The following DAPK1 variants were observed in gnomAD, a reference collection of about 807,000 sequenced individuals.
The protein encoded by DAPK1 is death-associated protein kinase 1.
DAPK1 carries 56 observed loss-of-function variants against 144.9 expected under a neutral mutation model. The observed-to-expected ratio is 0.39, with a 90% CI of 0.31 to 0.48. DAPK1 has a LOEUF of 0.48. DAPK1 is among the 20% of genes least tolerant of loss of function. The probability of loss-of-function intolerance (pLI) is 0.95; values close to 1 mark genes in which losing one functional copy is unlikely to be tolerated. For synonymous variants in DAPK1, 690 were observed against 749.0 expected (o/e 0.92, Z 1.29); for missense variants, 1,454 against 1,875.4 (o/e 0.78, Z 4.15).
rs371785798 is a variant in DAPK1 at position 87,698,771 on chromosome 9, G to A, written c.2727G>A (p.Ser909=). 66 of 1,607,188 alleles carry A rather than the reference G, an allele frequency of 4.1e-5. No individual in the cohort carries two copies. Among genetic ancestry groups the A allele is most frequent in the Non-Finnish European group, 5.4e-5 (63 of 1,173,904 alleles). The part of the protein sequence containing the change: ...GGEFGYDKDT[S]LLKEIRNRFG... ...AGTTTGGATATGACAAAGACACATCGTTGCTGAAAGAGATTAGGAACAGGT... is the reference window on the plus strand; with the variant it reads ...AGTTTGGATATGACAAAGACACATCATTGCTGAAAGAGATTAGGAACAGGT... Residue 909 remains serine, a synonymous_variant, in exon 23 of 26, where the codon TCG becomes TCA. Coordinates refer to ENST00000408954, the MANE Select transcript of DAPK1 (RefSeq NM_004938.4).
intron 14 of DAPK1, 112 bp downstream of exon 14, chr9:87,647,515 G>A: frequency 2.4e-6 from 2 of 836,688 alleles, no homozygotes; most frequent in Admixed American, 2.0e-5. Context: ...ATCAGGACCA[G>A]AATTCACCTG....
chr9:87,640,929 A>G (rs1564039033), intron 9 of DAPK1, 82 bp downstream of exon 9: 2 of 1,299,424 alleles, frequency 1.5e-6, no homozygotes, highest in Non-Finnish European at 2.2e-6. Context: ...ATCATAGAGT[A>G]CTGCTAACCA....
chr9:87,671,400 T>C (rs1824140423), intron 19 of DAPK1, among the ~76,000 whole-genome samples: 1 of 151,776 alleles, frequency 6.6e-6, no homozygotes, highest in African/African-American at 2.4e-5. Flanking sequence ...GTTTATAAAA[T>C]AGAAAAAACT....
intron 2 of DAPK1, among the ~76,000 whole-genome samples, chr9:87,583,934 G>A (rs1042674067): frequency 1.3e-5 from 2 of 152,150 alleles, no homozygotes; most frequent in Non-Finnish European, 2.9e-5. Context: ...CACTTCCCAA[G>A]GAGGACCACA....
rs759331012 is a variant in DAPK1 at position 87,707,274 on chromosome 9, C to T, written c.4203C>T (p.Ile1401=). 2 of 1,614,044 alleles carry T rather than the reference C, an allele frequency of 1.2e-6. No homozygotes were observed. Among genetic ancestry groups the T allele is most frequent in the Non-Finnish European group, 1.7e-6 (2 of 1,179,934 alleles). Residue 1401 remains isoleucine (I), a synonymous_variant, in exon 26 of 26, where the codon ATC becomes ATT. Coordinates refer to ENST00000408954, the MANE Select transcript of DAPK1 (RefSeq NM_004938.4). This position sits in a 1 kb window ranked among gnomAD's most constrained non-coding sequence, Gnocchi z 4.0. The part of the protein sequence containing the change: ...FLLKASSVFK[I]NLDGNGQEAY... Reference sequence around the variant, plus strand: ...TGAAGGCATCCTCTGTGTTCAAAATCAACCTGGATGGCAATGGCCAGGAGG... The same window carrying T: ...TGAAGGCATCCTCTGTGTTCAAAATTAACCTGGATGGCAATGGCCAGGAGG...
chr9:87,681,697 A>T (rs568792956), intron 20 of DAPK1, 71 bp downstream of exon 20: 3 of 806,962 alleles, frequency 3.7e-6, no homozygotes, highest in African/African-American at 3.4e-5. Flanking sequence ...TTCAAGGTCT[A>T]GGGGGGAAGG....
chr9:87,552,647 A>T (rs1346869054), intron 2 of DAPK1, among the ~76,000 whole-genome samples: 1 of 151,856 alleles, frequency 6.6e-6, no homozygotes, highest in Admixed American at 6.6e-5. Flanking sequence ...GCTGGTGTGC[A>T]GTGGTACAAT....
intron 19 of DAPK1, among the ~76,000 whole-genome samples, chr9:87,679,550 T>C (rs1824525785): frequency 6.6e-6 from 1 of 152,164 alleles, no homozygotes; most frequent in African/African-American, 2.4e-5. Flanking sequence ...ACGCCTTGCC[T>C]ACACTATCCT....
At chr9:87,648,930 A>G in intron 15 of DAPK1, 51 bp downstream of exon 15, 1 of 1,482,094 alleles carries the variant, frequency 6.7e-7, no homozygotes, top group Non-Finnish European at 9.4e-7. Context: ...ATGAATGTAC[A>G]GGCAGCCAGA....
chr9:87,665,364 A>G (rs139402399), intron 18 of DAPK1, among the ~76,000 whole-genome samples: 2 of 152,382 alleles, frequency 1.3e-5, no homozygotes, highest in East Asian at 3.9e-4. Flanking sequence ...ACCATAGTCC[A>G]GGCAGGACAT....
At chr9:87,628,463 T>C (rs1341154418) in intron 3 of DAPK1, among the ~76,000 whole-genome samples, 1 of 152,244 alleles carries the variant, frequency 6.6e-6, no homozygotes, top group Non-Finnish European at 1.5e-5. Context: ...AGGAATGCCC[T>C]GTGTTCCTTC....
intron 13 of DAPK1, among the ~76,000 whole-genome samples, chr9:87,647,022 T>C (rs1830290826): frequency 6.6e-6 from 1 of 152,206 alleles, no homozygotes; most frequent in Non-Finnish European, 1.5e-5. Flanking sequence ...TATAAGCAAT[T>C]GTTTATTTTG....
chr9:87,664,397 C>T (rs911720650), intron 18 of DAPK1, among the ~76,000 whole-genome samples: 3 of 152,300 alleles, frequency 2.0e-5, no homozygotes, highest in Admixed American at 2.0e-4. Context: ...TACCTGATGG[C>T]GCTCTGCCTT....
At chr9:87,676,681 A>G (rs1338667237) in intron 19 of DAPK1, among the ~76,000 whole-genome samples, 2 of 152,212 alleles carry the variant, frequency 1.3e-5, no homozygotes, top group Non-Finnish European at 2.9e-5. Context: ...CATCTTGGCC[A>G]AGGCTGACAG....
intron 2 of DAPK1, among the ~76,000 whole-genome samples, chr9:87,575,300 A>C (rs770563808): frequency 6.6e-6 from 1 of 151,796 alleles, no homozygotes; most frequent in Non-Finnish European, 1.5e-5. Flanking sequence ...GCATACATTC[A>C]TAGCCGTTAT....
chr9:87,512,298 A>G (rs187386736), intron 2 of DAPK1, among the ~76,000 whole-genome samples: 6 of 151,290 alleles, frequency 4.0e-5, no homozygotes, highest in Admixed American at 2.6e-4. Flanking sequence ...TTTTTTTTTC[A>G]TGGATCTTTA....
rs534426669 is a variant in DAPK1 at position 87,497,909 on chromosome 9, G to A, written c.-307G>A. ...GGACAGCCGGACCGAGCCAACGCCGGGGACTTTGTTCCCTCCGCGGAGGGG... is the reference window on the plus strand; with the variant it reads ...GGACAGCCGGACCGAGCCAACGCCGAGGACTTTGTTCCCTCCGCGGAGGGG... On this transcript the variant is annotated 5_prime_UTR_variant, in exon 1 of 26. Transcript: ENST00000408954. The A allele has an allele frequency of 2.5e-6, 1 of 395,272 alleles. No homozygotes were observed. Among genetic ancestry groups the A allele is most frequent in the Non-Finnish European group, 4.5e-6 (1 of 224,388 alleles). The allele number at this position is 395,272 out of a possible 1,614,324, so 24.5% of individuals were successfully genotyped here.
intron 2 of DAPK1, among the ~76,000 whole-genome samples, chr9:87,571,528 C>CACACACACACACACACA (rs55676810): frequency 3.1e-4 from 42 of 135,692 alleles, no homozygotes; most frequent in Middle Eastern, 3.8e-3. Flanking sequence ...CACACACACA[C>CACACACACACACACACA]CAGAAGCGAA....
At chr9:87,635,517 G>C (rs1354725043) in intron 3 of DAPK1, among the ~76,000 whole-genome samples, 4 of 152,138 alleles carry the variant, frequency 2.6e-5, no homozygotes, top group Admixed American at 2.6e-4. Flanking sequence ...AAGCACAGTG[G>C]TTAGGCTCAA....
Sources: allele counts gnomAD v4.1 joint callset (sites outside exome capture counted in the v4.1 genomes callset), GRCh38; gene constraint gnomAD v4.1.1; non-coding constraint Gnocchi (gnomAD v3.1); transcripts MANE v1.5; gene names NCBI Gene and HGNC (gene_info 2026-07-23, HGNC 2026-07-21).